SH3GL3: variants seen among roughly 807,000 people sequenced by gnomAD.
The protein encoded by SH3GL3 is endophilin-A3.
SH3GL3 carries 33 observed loss-of-function variants against 47.7 expected under a neutral mutation model. The ratio of observed to expected loss-of-function variants is 0.69; its 90% confidence interval spans 0.52 to 0.92. SH3GL3 has a LOEUF of 0.92. Ranked by LOEUF, SH3GL3 falls within the 40% of genes least tolerant of loss-of-function variation. The pLI is 0.00. For synonymous variants in SH3GL3, 155 were observed against 148.8 expected, an observed-to-expected ratio of 1.04 and a Z score of -0.30; for missense variants, 363 against 417.8, an observed-to-expected ratio of 0.87 and a Z score of 1.14.
intron 1 of SH3GL3, among the ~76,000 whole-genome samples, chr15:83,495,410 A>T (rs568322299): frequency 4.6e-5 from 7 of 152,188 alleles, no homozygotes; most frequent in Non-Finnish European, 7.3e-5. Context: ...CATCCTCATC[A>T]GTTTCCCATG....
intron 1 of SH3GL3, among the ~76,000 whole-genome samples, chr15:83,478,878 C>G (rs556690215): frequency 6.6e-6 from 1 of 152,364 alleles, no homozygotes; most frequent in Non-Finnish European, 1.5e-5. Context: ...TGATAACTTT[C>G]TCCACTGACC....
intron 3 of SH3GL3, among the ~76,000 whole-genome samples, chr15:83,566,740 C>T (rs915898541): frequency 6.6e-6 from 1 of 152,122 alleles, no homozygotes; most frequent in Non-Finnish European, 1.5e-5. Flanking sequence ...CATACCACTG[C>T]ACTACAGCCT....
At chr15:83,585,099 C>T (rs569563109) in intron 6 of SH3GL3, among the ~76,000 whole-genome samples, 4 of 152,198 alleles carry the variant, frequency 2.6e-5, no homozygotes, top group Admixed American at 1.3e-4. Flanking sequence ...AATAATCTAT[C>T]GTAGCACACC....
chr15:83,611,504 G>C (rs2060665268), intron 8 of SH3GL3: 1 of 152,082 alleles, frequency 6.6e-6, no homozygotes, highest in African/African-American at 2.4e-5. Context: ...CCCAGGGTCA[G>C]GGGTTTCAGC....
chr15:83,596,022 C>A (rs1386340635), intron 8 of SH3GL3, among the ~76,000 whole-genome samples: 1 of 152,124 alleles, frequency 6.6e-6, no homozygotes, highest in Admixed American at 6.5e-5. Flanking sequence ...ATCAATTTCC[C>A]CCTAAGTACC....
intron 1 of SH3GL3, among the ~76,000 whole-genome samples, chr15:83,556,592 A>T (rs2044972049): frequency 6.6e-6 from 1 of 152,232 alleles, no homozygotes; most frequent in Non-Finnish European, 1.5e-5. Context: ...TCCAAGCCAA[A>T]GGGATTTTCA....
the SH3GL3 span, among the ~76,000 whole-genome samples, chr15:83,627,509 T>C: frequency 1.3e-5 from 2 of 152,134 alleles, no homozygotes. Flanking sequence ...TATTCAAGGA[T>C]CTAAAGTAGA....
At chr15:83,468,038 G>C (rs1408692245) in intron 1 of SH3GL3, among the ~76,000 whole-genome samples, 1 of 152,132 alleles carries the variant, frequency 6.6e-6, no homozygotes, top group African/African-American at 2.4e-5. Context: ...CACCATGTTA[G>C]CCAGGATGGT....
chr15:83,613,657 A>G (rs191630352), intron 8 of SH3GL3, among the ~76,000 whole-genome samples: 11 of 150,204 alleles, frequency 7.3e-5, no homozygotes, highest in African/African-American at 1.5e-4. Context: ...CTATCTATCT[A>G]TCTATCTATC....
chr15:83,542,167 A>C (rs959399269), intron 1 of SH3GL3, among the ~76,000 whole-genome samples: 2 of 152,166 alleles, frequency 1.3e-5, no homozygotes, highest in Non-Finnish European at 2.9e-5. Context: ...ATAGGGATCT[A>C]GTTTCACTCT....
downstream of SH3GL3, among the ~76,000 whole-genome samples, chr15:83,623,451 C>T (rs2060920315): frequency 6.6e-6 from 1 of 152,188 alleles, no homozygotes; most frequent in African/African-American, 2.4e-5. Flanking sequence ...CTCCCTCCAG[C>T]AGGCTAGCCT....
downstream of SH3GL3, among the ~76,000 whole-genome samples, chr15:83,620,328 T>C (rs971108307): frequency 6.6e-6 from 1 of 152,180 alleles, no homozygotes; most frequent in Non-Finnish European, 1.5e-5. Flanking sequence ...TTCCAGAAGG[T>C]TTTCACTTTA....
chr15:83,479,511 C>G (rs1180848081), intron 1 of SH3GL3, among the ~76,000 whole-genome samples: 1 of 152,142 alleles, frequency 6.6e-6, no homozygotes, highest in Non-Finnish European at 1.5e-5. Context: ...CTCTCACAGA[C>G]AGCATAGAAG....
At chr15:83,578,118 T>C (rs1454607538) in intron 6 of SH3GL3, among the ~76,000 whole-genome samples, 7 of 152,184 alleles carry the variant, frequency 4.6e-5, no homozygotes, top group Non-Finnish European at 5.9e-5. Flanking sequence ...TTTGCTTTGA[T>C]TTGATTTGTC....
Position 83,573,772 on chromosome 15 carries a change from C to A in SH3GL3, c.465+1074C>A, listed in dbSNP as rs12595529. ...TTCTTCCTTTGTTCATTTATTTATT[C>A]ATCCATCAACTGTGTATAGCCTGCT... On this transcript the variant is annotated intron_variant, in intron 5 of 8. Coordinates refer to ENST00000427482, the MANE Select transcript of SH3GL3 (RefSeq NM_003027.5). Among the ~76,000 whole-genome samples the A allele has an allele frequency of 8.3e-4, 126 of 152,318 alleles. No homozygotes were observed. In the East Asian group the frequency reaches 0.022, roughly 27 times the overall value.
At chr15:83,606,379 C>T (rs540157451) in intron 8 of SH3GL3, among the ~76,000 whole-genome samples, 5 of 152,316 alleles carry the variant, frequency 3.3e-5, no homozygotes, top group African/African-American at 1.2e-4. Context: ...AGAAAATAAA[C>T]ATTTATTCAA....
chr15:83,607,840 AAATAATAATAATAATAATAAT>A (rs60113695), intron 8 of SH3GL3, among the ~76,000 whole-genome samples: 2 of 142,940 alleles, frequency 1.4e-5, no homozygotes, highest in African/African-American at 5.1e-5. Context: ...TCAGAGTGGC[AAATAATAATAATAATAATAAT>A]AATAATAATA....
chr15:83,529,900 C>G (rs761500452), intron 1 of SH3GL3, among the ~76,000 whole-genome samples: 2 of 152,128 alleles, frequency 1.3e-5, no homozygotes, highest in African/African-American at 2.4e-5. Flanking sequence ...AGCTGTCAGG[C>G]TTTGGGGAAC....
At chr15:83,489,904 AATAG>A (rs1178091580) in intron 1 of SH3GL3, among the ~76,000 whole-genome samples, 8 of 149,488 alleles carry the variant, frequency 5.4e-5, no homozygotes, top group East Asian at 1.9e-4. Flanking sequence ...ATAGATAGAT[AATAG>A]ATAGATGATT....
Sources: allele counts gnomAD v4.1 joint callset (sites outside exome capture counted in the v4.1 genomes callset), GRCh38; gene constraint gnomAD v4.1.1; transcripts MANE v1.5; gene names NCBI Gene and HGNC (gene_info 2026-07-23, HGNC 2026-07-21).